Variants in FAM149A observed in about 807,000 individuals in gnomAD.
FAM149A encodes the protein family with sequence similarity 149 member A, also known as protein FAM149A.
FAM149A carries 71 observed loss-of-function variants against 78.2 expected under a neutral mutation model. That is an observed-to-expected ratio of 0.91 (90% CI 0.75 to 1.11). The LOEUF (loss-of-function observed/expected upper bound fraction) is 1.11. Among genes scored for constraint, FAM149A ranks in the 50% least tolerant of loss-of-function variants. FAM149A has a pLI of 0.00. For missense variants in FAM149A, 1,036 were observed against 971.0 expected (o/e 1.07, Z -0.89); for synonymous variants, 446 against 410.5 (o/e 1.09, Z -1.04).
At chr4:186,148,302 G>A (rs1005977794) in intron 1 of FAM149A, among the ~76,000 whole-genome samples, 7 of 152,166 alleles carry the variant, frequency 4.6e-5, no homozygotes, top group South Asian at 2.1e-4. Flanking sequence ...CCTTATAATC[G>A]AAAGCAAAAG....
intron 10 of FAM149A, among the ~76,000 whole-genome samples, 176 bp downstream of exon 10, chr4:186,163,809 T>C (rs1734801315): frequency 1.3e-5 from 2 of 152,198 alleles, no homozygotes; most frequent in Admixed American, 1.3e-4. Flanking sequence ...TACTTAGCTG[T>C]ATCCTAGGAC....
intron 1 of FAM149A, among the ~76,000 whole-genome samples, chr4:186,121,686 G>A (rs1029061917): frequency 5.3e-5 from 8 of 152,134 alleles, no homozygotes; most frequent in Admixed American, 3.3e-4. Context: ...CGCTGCACAC[G>A]TTGACCCCAC....
rs749906321 is a variant in FAM149A, at chr4:186,149,179, A to G, written c.573A>G (p.Gly191=). The change falls in exon 2 of 14, where the codon GGA becomes GGG. Residue 191 remains glycine (G), a synonymous_variant. Transcript: ENST00000389354. ...TGTTTTATTTTATTTCCAGAAGAGG[A>G]CTGTCAGAAGGACGTAGAAGGCACG... 79 of 1,284,012 alleles carry G rather than the reference A, an allele frequency of 6.2e-5. No homozygotes were observed. The highest frequency in any genetic ancestry group is 7.8e-5 in the Non-Finnish European group (77 of 987,258). The allele number at this position is 1,284,012 out of a possible 1,614,324, so 79.5% of individuals were successfully genotyped here. A position where few individuals can be genotyped will look rare whatever the true frequency, so the allele number is the denominator to read the frequency against.
intron 1 of FAM149A, among the ~76,000 whole-genome samples, chr4:186,126,323 G>A (rs140526110): frequency 2.6e-5 from 4 of 152,174 alleles, no homozygotes; most frequent in Non-Finnish European, 4.4e-5. Context: ...GTGGTGTGAC[G>A]GTCAATTTTA....
intron 13 of FAM149A, chr4:186,169,318 CT>C (rs969232853): frequency 1.2e-5 from 12 of 985,322 alleles, no homozygotes; most frequent in Non-Finnish European, 1.2e-5. Context: ...GCCAAGGCCC[CT>C]GATCTCACGA....
intron 1 of FAM149A, chr4:186,132,054 A>G (rs2099320969): frequency 1.6e-5 from 16 of 985,452 alleles, no homozygotes; most frequent in Non-Finnish European, 1.9e-5. Context: ...AAAACACAAA[A>G]TAGCTCCATA....
chr4:186,153,358 T>TA, intron 4 of FAM149A: 4 of 956,260 alleles, frequency 4.2e-6, no homozygotes, highest in Non-Finnish European at 5.0e-6. Context: ...ATATGATCTC[T>TA]AAGCCATTCA....
chr4:186,150,875 C>T (rs1733513998), intron 3 of FAM149A: 1 of 166,332 alleles, frequency 6.0e-6, no homozygotes, highest in Non-Finnish European at 1.2e-5. Context: ...GTGTGCACCG[C>T]CATGCCCAGT....
intron 4 of FAM149A, 32 bp downstream of exon 4, chr4:186,152,077 T>TG: frequency 1.2e-6 from 2 of 1,611,152 alleles, no homozygotes; most frequent in Non-Finnish European, 1.7e-6. Context: ...TTCTCTGGGG[T>TG]GGGTTTTCCA....
At chr4:186,147,048 CAAG>C (rs1733107093) in intron 1 of FAM149A, 1 of 878,180 alleles carries the variant, frequency 1.1e-6, no homozygotes, top group Non-Finnish European at 1.4e-6. Context: ...TCCAAAGAAA[CAAG>C]AACACAGCAT....
At chr4:186,149,516 C>T (rs1181418122) in intron 2 of FAM149A, 50 bp from the exon 3 acceptor site, 2 of 1,289,106 alleles carry the variant, frequency 1.6e-6, no homozygotes, top group South Asian at 2.5e-5. Flanking sequence ...ACTTAGCCAT[C>T]CAAGCCCTTC....
At position 186,130,313 on chromosome 4, in the gene FAM149A, A is replaced by ATG; in HGVS notation, c.567-18859_567-18858insGT. ...TCTCTCTATATATATATATATATAT[A>ATG]TAATCTATATCGACAGAACTAAAAG... On this transcript the variant is annotated intron_variant, in intron 1 of 13. Coordinates refer to ENST00000389354, the MANE Select transcript of FAM149A (RefSeq NM_001367768.3). Among the ~76,000 whole-genome samples the ATG allele has an allele frequency of 1.7e-5, 2 of 120,042 alleles. 1 individual carries two copies. Among genetic ancestry groups the ATG allele is most frequent in the South Asian group, 5.8e-4 (2 of 3,454 alleles). 78.8% of individuals were successfully genotyped at this position (120,042 alleles called of 152,430 possible). A position where few individuals can be genotyped will look rare whatever the true frequency, so the allele number is the denominator to read the frequency against.
chr4:186,144,831 C>T lies in FAM149A; in HGVS notation c.567-4342C>T, dbSNP rs1263074350. On this transcript the variant is annotated intron_variant, in intron 1 of 13. Transcript: ENST00000389354. The surrounding 1 kb of genome is among the most constrained non-coding windows in gnomAD (Gnocchi z 4.2). ...GGAGGAGGAGGGGAGGCGGCGCCGG[C>T]GCGGGCGGGGCGGAGGATCTGGAGA... 118 of 981,430 alleles carry T rather than the reference C, an allele frequency of 1.2e-4. No homozygotes were observed. Among genetic ancestry groups the T allele is most frequent in the East Asian group, 3.5e-4 (3 of 8,496 alleles). 60.8% of individuals were successfully genotyped at this position (981,430 alleles called of 1,614,324 possible).
At chr4:186,124,317 C>G (rs28470565) in intron 1 of FAM149A, 202,625 of 539,446 alleles carry the variant, frequency 0.38, 36,320 homozygotes, top group East Asian at 0.59. Flanking sequence ...CAACGTGCAG[C>G]TTTGTTACAT....
chr4:186,133,889 C>G (rs548690894), intron 1 of FAM149A, among the ~76,000 whole-genome samples: 3 of 152,286 alleles, frequency 2.0e-5, no homozygotes, highest in Non-Finnish European at 2.9e-5. Context: ...ACTCCTGGCT[C>G]AAGTGATCAG....
At chr4:186,158,057 G>T in intron 8 of FAM149A, 1 of 1,378,388 alleles carries the variant, frequency 7.3e-7, no homozygotes, top group South Asian at 1.2e-5. Context: ...AATCTGAAGG[G>T]ACCTGGGAGA....
chr4:186,128,808 TATGG>T (rs1037410822), intron 1 of FAM149A, among the ~76,000 whole-genome samples: 2 of 152,130 alleles, frequency 1.3e-5, no homozygotes, highest in Non-Finnish European at 2.9e-5. Flanking sequence ...TGTATGTGTG[TATGG>T]ATGGATGGAT....
intron 7 of FAM149A, 23 bp downstream of exon 7, chr4:186,156,213 T>C: frequency 1.3e-6 from 2 of 1,592,654 alleles, no homozygotes; most frequent in Non-Finnish European, 1.7e-6. Context: ...AGAATTTAGC[T>C]TAATGAAAAG....
At position 186,163,574 on chromosome 4, in the gene FAM149A, T is replaced by C. The variant is rs1489625981; in HGVS notation, c.1830T>C (p.Asp610=). The stretch of plus-strand genomic sequence containing the variant: ...GGAGGCTGCCTTCTCTTGCTTCAGA[T>C]TCACAGAGACTAAAAACTCCCAACA... The change falls in exon 10 of 14, where the codon GAT becomes GAC. Residue 610 remains aspartate, a synonymous_variant. Transcript: ENST00000389354. 7 of 1,614,070 alleles carry C rather than the reference T, an allele frequency of 4.3e-6. No homozygotes were observed. Among genetic ancestry groups the C allele is most frequent in the Admixed American group, 1.7e-5 (1 of 60,002 alleles).
Sources: allele counts gnomAD v4.1 joint callset (sites outside exome capture counted in the v4.1 genomes callset), GRCh38; gene constraint gnomAD v4.1.1; non-coding constraint Gnocchi (gnomAD v3.1); transcripts MANE v1.5; gene names NCBI Gene and HGNC (gene_info 2026-07-23, HGNC 2026-07-21).